The following GRID2 variants were observed in gnomAD, a reference collection of about 807,000 sequenced individuals.
The protein encoded by GRID2 is glutamate ionotropic receptor delta type subunit 2, also known as glutamate receptor ionotropic, delta-2.
GRID2 carries 33 observed loss-of-function variants against 114.8 expected under a neutral mutation model. The ratio of observed to expected loss-of-function variants is 0.29; its 90% CI spans 0.22 to 0.38. The LOEUF (loss-of-function observed/expected upper bound fraction) is 0.38, where lower values mean the gene tolerates loss of function less well. GRID2 is among the 10% of genes least tolerant of loss of function. The pLI is 1.00. For synonymous variants in GRID2, 505 were observed against 449.9 expected (o/e 1.12, Z -1.55); for missense variants, 1,184 against 1,257.7 (o/e 0.94, Z 0.89).
At chr4:92,514,588 ACTTC>A (rs1305971231) in intron 1 of GRID2, among the ~76,000 whole-genome samples, 11 of 151,990 alleles carry the variant, frequency 7.2e-5, no homozygotes, top group African/African-American at 2.4e-4. Flanking sequence ...GTCCTCACTG[ACTTC>A]ACAAGTTTTC....
intron 1 of GRID2, among the ~76,000 whole-genome samples, chr4:92,435,938 A>G (rs527473391): frequency 2.6e-5 from 4 of 152,174 alleles, no homozygotes; most frequent in Non-Finnish European, 5.9e-5. Context: ...CTTATGATAG[A>G]TTTTGTTGTT....
intron 14 of GRID2, among the ~76,000 whole-genome samples, chr4:93,675,099 T>A (rs1724738401): frequency 6.6e-6 from 1 of 152,176 alleles, no homozygotes; most frequent in Non-Finnish European, 1.5e-5. Context: ...AATAAATTTA[T>A]AATTAATTCA....
intron 5 of GRID2, among the ~76,000 whole-genome samples, chr4:93,212,616 A>G (rs1743670506): frequency 6.6e-6 from 1 of 152,136 alleles, no homozygotes; most frequent in South Asian, 2.1e-4. Flanking sequence ...AATGCTTCAT[A>G]TACCCTTCTA....
chr4:93,114,083 G>A (rs1042099636), intron 4 of GRID2, among the ~76,000 whole-genome samples: 20 of 152,126 alleles, frequency 1.3e-4, no homozygotes, highest in African/African-American at 4.8e-4. Context: ...AACAAGCTGA[G>A]CCTTTTCACA....
chr4:93,706,182 T>A (rs1560927563), intron 14 of GRID2, among the ~76,000 whole-genome samples: 1 of 152,216 alleles, frequency 6.6e-6, no homozygotes, highest in Non-Finnish European at 1.5e-5. Context: ...TGGTTCCGCA[T>A]AAATTTTAAC....
chr4:92,414,068 A>G (rs1405338389), intron 1 of GRID2, among the ~76,000 whole-genome samples: 3 of 152,222 alleles, frequency 2.0e-5, no homozygotes. Context: ...GCAGCTTTGC[A>G]CTGACAATGG....
intron 1 of GRID2, among the ~76,000 whole-genome samples, chr4:92,304,980 G>A (rs760697943): frequency 6.6e-6 from 1 of 152,184 alleles, no homozygotes; most frequent in Non-Finnish European, 1.5e-5. Flanking sequence ...GTGGCTGGAT[G>A]CGTGGGGGTC....
At chr4:92,443,883 C>T (rs891171226) in intron 1 of GRID2, among the ~76,000 whole-genome samples, 1 of 152,214 alleles carries the variant, frequency 6.6e-6, no homozygotes, top group Non-Finnish European at 1.5e-5. Context: ...CCTTTCCAGT[C>T]TGTGACCGGC....
intron 2 of GRID2, among the ~76,000 whole-genome samples, chr4:92,916,615 G>T (rs556248458): frequency 3.4e-4 from 51 of 152,150 alleles, no homozygotes; most frequent in African/African-American, 4.1e-4. Flanking sequence ...GTGGTGTTTG[G>T]TTTTTTGTCC....
At chr4:93,040,777 C>T (rs773853264) in intron 2 of GRID2, among the ~76,000 whole-genome samples, 16 of 152,090 alleles carry the variant, frequency 1.1e-4, no homozygotes, top group Non-Finnish European at 1.9e-4. Flanking sequence ...TTATTAAGTT[C>T]AATAACTCAT....
At chr4:93,553,934 A>C (rs952003029) in intron 13 of GRID2, among the ~76,000 whole-genome samples, 16 of 152,184 alleles carry the variant, frequency 1.1e-4, no homozygotes, top group African/African-American at 3.4e-4. Flanking sequence ...TTGAAAAATG[A>C]ATCAACATTT....
chr4:93,157,876 T>G (rs1737325302), intron 4 of GRID2, among the ~76,000 whole-genome samples: 1 of 151,790 alleles, frequency 6.6e-6, no homozygotes, highest in African/African-American at 2.4e-5. Context: ...TCTTCTTTGC[T>G]TAAATTCATG....
At chr4:92,996,728 T>G (rs1313808012) in intron 2 of GRID2, among the ~76,000 whole-genome samples, 1 of 152,190 alleles carries the variant, frequency 6.6e-6, no homozygotes, top group African/African-American at 2.4e-5. Context: ...AATGATAGTG[T>G]ACTTACAAGA....
At chr4:93,391,622 C>T (rs1285774957) in intron 8 of GRID2, among the ~76,000 whole-genome samples, 2 of 152,088 alleles carry the variant, frequency 1.3e-5, no homozygotes, top group Admixed American at 6.6e-5. Flanking sequence ...AACTATTGAG[C>T]ATAAAATTAA....
intron 2 of GRID2, among the ~76,000 whole-genome samples, chr4:92,776,529 G>A (rs574783894): frequency 6.6e-6 from 1 of 152,078 alleles, no homozygotes; most frequent in Admixed American, 6.6e-5. Context: ...TGCTAGAAGA[G>A]GATTACATTA....
intron 10 of GRID2, among the ~76,000 whole-genome samples, chr4:93,445,744 C>A (rs1024833409): frequency 6.6e-6 from 1 of 151,852 alleles, no homozygotes; most frequent in East Asian, 1.9e-4. Flanking sequence ...TAAGCCCTGT[C>A]GAAATATTTA....
intron 1 of GRID2, among the ~76,000 whole-genome samples, chr4:92,417,910 C>G (rs1731699459): frequency 6.6e-6 from 1 of 152,128 alleles, no homozygotes; most frequent in Non-Finnish European, 1.5e-5. Context: ...TGTGCAGGCT[C>G]TGTTGCCTGC....
chr4:93,761,574 C>A (rs1031273694), intron 14 of GRID2, among the ~76,000 whole-genome samples: 1 of 152,066 alleles, frequency 6.6e-6, no homozygotes, highest in Non-Finnish European at 1.5e-5. Context: ...AGCTTGCTGA[C>A]CTCTAGTCTA....
chr4:92,311,048 G>A (rs558389124), intron 1 of GRID2, among the ~76,000 whole-genome samples: 5 of 151,946 alleles, frequency 3.3e-5, no homozygotes, highest in Middle Eastern at 3.4e-3. Context: ...TTTTGTTTTC[G>A]ATTTTGTTTT....
Sources: gnomAD v4.1 joint callset for allele counts (sites outside exome capture counted in the v4.1 genomes callset) on GRCh38, gnomAD v4.1.1 for gene constraint, MANE v1.5 for transcripts, NCBI Gene and HGNC (gene_info 2026-07-23, HGNC 2026-07-21) for gene names.